ADCY10: variants seen among roughly 807,000 people sequenced by gnomAD.
ADCY10 encodes the protein adenylate cyclase type 10.
A neutral mutation model predicts 183.3 loss-of-function variants in ADCY10; 156 were observed. The ratio of observed to expected loss-of-function variants is 0.85; its 90% CI spans 0.75 to 0.97. The LOEUF (loss-of-function observed/expected upper bound fraction) is 0.97, where lower values mean the gene tolerates loss of function less well. Among genes scored for constraint, ADCY10 ranks in the 50% least tolerant of loss-of-function variants. The probability of loss-of-function intolerance (pLI) is 0.00; values close to 1 mark genes in which losing one functional copy is unlikely to be tolerated. For missense variants in ADCY10, 1,745 were observed against 1,934.3 expected, an observed-to-expected ratio of 0.90 and a Z score of 1.84; for synonymous variants, 645 against 670.0, an observed-to-expected ratio of 0.96 and a Z score of 0.58.
At chr1:167,911,402 T>C (rs547862004) in intron 1 of ADCY10, among the ~76,000 whole-genome samples, 1 of 152,288 alleles carries the variant, frequency 6.6e-6, no homozygotes, top group Non-Finnish European at 1.5e-5. Context: ...ATATTTGCCC[T>C]GGCATGCTTA....
intron 8 of ADCY10, among the ~76,000 whole-genome samples, chr1:167,886,031 C>A (rs565245343): frequency 2.2e-4 from 33 of 152,244 alleles, no homozygotes; most frequent in African/African-American, 7.2e-4. Flanking sequence ...CAAACCACTG[C>A]TCAACGAAGT....
chr1:167,908,779 C>A (rs193224648), intron 1 of ADCY10, among the ~76,000 whole-genome samples: 1 of 152,144 alleles, frequency 6.6e-6, no homozygotes, highest in African/African-American at 2.4e-5. Context: ...TCTTAATCAA[C>A]CAAAATAATG....
At position 167,914,061 on chromosome 1, in the gene ADCY10, G is replaced by T. The variant is rs780516611; in HGVS notation, c.-144C>A. The T allele has an allele frequency of 2.6e-5, 4 of 152,306 alleles. No homozygotes were observed. The highest frequency in any genetic ancestry group is 9.6e-5 in the African/African-American group (4 of 41,460). The allele number at this position is 152,306 out of a possible 1,614,324, so 9.4% of individuals were successfully genotyped here. A position where few individuals can be genotyped will look rare whatever the true frequency, so the allele number is the denominator to read the frequency against. ...ACTGCAGAAGACAGGAGAGGAGGCC[G>T]GGTGACATTATTCTGAAGACAGCTG... On this transcript the variant is annotated 5_prime_UTR_variant, in exon 1 of 33. Transcript: ENST00000367851.
intron 6 of ADCY10, among the ~76,000 whole-genome samples, chr1:167,898,423 A>G (rs1318683525): frequency 6.6e-6 from 1 of 151,548 alleles, no homozygotes; most frequent in Non-Finnish European, 1.5e-5. Flanking sequence ...AGATGGTGAA[A>G]CCCCGTCTCT....
At chr1:167,907,060 C>G (rs1042279655) in intron 1 of ADCY10, among the ~76,000 whole-genome samples, 2 of 152,164 alleles carry the variant, frequency 1.3e-5, no homozygotes, top group Admixed American at 6.5e-5. Flanking sequence ...ATAAGTAGTG[C>G]TAAAGCACAC....
chr1:167,835,100 G>A (rs931542109), intron 23 of ADCY10, among the ~76,000 whole-genome samples: 1 of 152,192 alleles, frequency 6.6e-6, no homozygotes, highest in Non-Finnish European at 1.5e-5. Flanking sequence ...AGTAGCAACT[G>A]TAAATTATGG....
At chr1:167,858,617 A>G (rs1666075025) in intron 16 of ADCY10, among the ~76,000 whole-genome samples, 1 of 152,130 alleles carries the variant, frequency 6.6e-6, no homozygotes, top group African/African-American at 2.4e-5. Context: ...ATAACTAGAA[A>G]TGTGTTCACA....
intron 14 of ADCY10, among the ~76,000 whole-genome samples, chr1:167,863,277 C>T (rs142201426): frequency 8.5e-5 from 13 of 152,302 alleles, no homozygotes; most frequent in Non-Finnish European, 1.9e-4. Context: ...AGATTCCAGA[C>T]ATTGTATGGA....
At chr1:167,890,439 G>A (rs1450627033) in intron 8 of ADCY10, among the ~76,000 whole-genome samples, 1 of 151,972 alleles carries the variant, frequency 6.6e-6, no homozygotes, top group Non-Finnish European at 1.5e-5. Context: ...TGAGCTGCTT[G>A]GAGCTGGGGG....
chr1:167,824,503 A>G lies in ADCY10; in HGVS notation c.4025T>C (p.Leu1342Pro). Residue 1342 changes from leucine to proline, a missense_variant, in exon 28 of 33, where the codon CTT becomes CCT. Leu to Pro is a moderately conservative substitution (Grantham distance 98). Transcript: ENST00000367851. ...GCTGTTCAGAAGGAGACATCTGCTA[A>G]GTCTGCAGAGGGACTGATAATGTCG... The part of the protein sequence containing the change: ...PNRHYQSLCR[L>P]SRCLLLNSRY... The G allele has an allele frequency of 1.9e-6, 3 of 1,614,200 alleles. No individual in the cohort carries two copies. The highest frequency in any genetic ancestry group is 2.5e-6 in the Non-Finnish European group (3 of 1,180,022).
intron 14 of ADCY10, among the ~76,000 whole-genome samples, chr1:167,869,493 C>T (rs1033588436): frequency 1.3e-5 from 2 of 152,140 alleles, no homozygotes; most frequent in African/African-American, 4.8e-5. Context: ...GACAGAGAAG[C>T]GAAACTAAAG....
At chr1:167,899,707 T>C (rs1669258207) in intron 5 of ADCY10, 79 bp from the exon 6 acceptor site, 2 of 1,370,640 alleles carry the variant, frequency 1.5e-6, no homozygotes, top group East Asian at 2.4e-5. Context: ...GGAAAAACCA[T>C]AATCTTGGTG....
At chr1:167,830,294 T>C (rs1212677428) in intron 25 of ADCY10, among the ~76,000 whole-genome samples, 1 of 151,894 alleles carries the variant, frequency 6.6e-6, no homozygotes, top group Admixed American at 6.6e-5. Flanking sequence ...TGTGGTTTTG[T>C]GTTTTTTTTT....
chr1:167,831,314 C>G (rs1026785293), intron 25 of ADCY10, among the ~76,000 whole-genome samples: 2 of 152,086 alleles, frequency 1.3e-5, no homozygotes, highest in African/African-American at 4.8e-5. Flanking sequence ...CTCAACCTTC[C>G]GAGTAGCTGG....
chr1:167,903,268 TAATA>T (rs1489707239), intron 3 of ADCY10, among the ~76,000 whole-genome samples: 2 of 140,032 alleles, frequency 1.4e-5, no homozygotes, highest in East Asian at 2.0e-4. Flanking sequence ...AAAAAAAAAT[TAATA>T]AATAAAAATA....
intron 11 of ADCY10, among the ~76,000 whole-genome samples, chr1:167,879,498 T>A (rs868045652): frequency 2.0e-4 from 30 of 151,878 alleles, no homozygotes; most frequent in African/African-American, 6.8e-4. Context: ...CATCACCCCA[T>A]CCCAACAAGC....
chr1:167,900,488 T>C (rs937625734), intron 5 of ADCY10, among the ~76,000 whole-genome samples: 1 of 152,082 alleles, frequency 6.6e-6, no homozygotes, highest in Non-Finnish European at 1.5e-5. Flanking sequence ...AAATATTCAG[T>C]ATTATAATAA....
intron 24 of ADCY10, 122 bp downstream of exon 24, chr1:167,833,848 T>C: frequency 1.3e-6 from 1 of 787,088 alleles, no homozygotes; most frequent in South Asian, 1.5e-5. Flanking sequence ...TTCTAGAGTC[T>C]TGGCTAGAAG....
intron 14 of ADCY10, among the ~76,000 whole-genome samples, chr1:167,865,798 T>G (rs1666635564): frequency 6.6e-6 from 1 of 152,240 alleles, no homozygotes; most frequent in Admixed American, 6.5e-5. Context: ...GTTATGCTTG[T>G]GCACATGGCA....
Sources: gnomAD v4.1 joint callset for allele counts (sites outside exome capture counted in the v4.1 genomes callset) on GRCh38, gnomAD v4.1.1 for gene constraint, MANE v1.5 for transcripts, NCBI Gene and HGNC (gene_info 2026-07-23, HGNC 2026-07-21) for gene names.